The following SLC2A9 variants were observed in gnomAD, a reference collection of about 807,000 sequenced individuals.
SLC2A9 encodes the protein solute carrier family 2 member 9, also known as solute carrier family 2, facilitated glucose transporter member 9.
A neutral mutation model predicts 50.6 loss-of-function variants in SLC2A9; 39 were observed. The observed-to-expected ratio is 0.77, with a 90% CI of 0.60 to 1.01. The LOEUF (loss-of-function observed/expected upper bound fraction) is 1.01. Ranked by LOEUF, SLC2A9 falls within the 50% of genes least tolerant of loss-of-function variation. The pLI is 0.00. For missense variants in SLC2A9, 686 were observed against 677.6 expected (o/e 1.01, Z -0.14); for synonymous variants, 324 against 276.9 (o/e 1.17, Z -1.69).
intron 1 of SLC2A9, chr4:10,040,017 G>C (rs929867793): frequency 2.0e-5 from 3 of 152,602 alleles, no homozygotes; most frequent in Admixed American, 6.5e-5. Flanking sequence ...AGCATAGAGA[G>C]CTCCACTTTG....
intron 11 of SLC2A9, among the ~76,000 whole-genome samples, chr4:9,830,468 G>A (rs1173317200): frequency 6.6e-6 from 1 of 152,130 alleles, no homozygotes; most frequent in African/African-American, 2.4e-5. Context: ...CACGGCATGT[G>A]TTTACTTGTG....
At chr4:9,880,628 G>GC in intron 10 of SLC2A9, 1 of 931,654 alleles carries the variant, frequency 1.1e-6, no homozygotes. Context: ...GTCCAATCTG[G>GC]CTTGTTTGTG....
chr4:9,792,352 T>G (rs1214078804), intron 3 of SLC2A9, among the ~76,000 whole-genome samples: 2 of 151,008 alleles, frequency 1.3e-5, no homozygotes, highest in Non-Finnish European at 3.0e-5. Context: ...AGTTTTTTTT[T>G]TTTTTTTTAA....
At chr4:9,898,999 CCTCT>C (rs58512583) in intron 8 of SLC2A9, among the ~76,000 whole-genome samples, 1 of 151,604 alleles carries the variant, frequency 6.6e-6, no homozygotes, top group South Asian at 2.1e-4. Flanking sequence ...CCTCCCTCCC[CCTCT>C]CTCTCTCTCT....
At chr4:9,835,175 G>A (rs1422699693) in intron 10 of SLC2A9, among the ~76,000 whole-genome samples, 167 bp from the exon 11 acceptor site, 1 of 152,058 alleles carries the variant, frequency 6.6e-6, no homozygotes. Context: ...AGTGGGACAA[G>A]TCTTTATTTT....
At chr4:9,856,830 G>A (rs886259622) in intron 10 of SLC2A9, among the ~76,000 whole-genome samples, 2 of 152,172 alleles carry the variant, frequency 1.3e-5, no homozygotes, top group Non-Finnish European at 1.5e-5. Context: ...GGATGGAGCT[G>A]GAGGCCATTA....
chr4:9,879,658 C>A (rs1734879810), intron 10 of SLC2A9: 1 of 985,258 alleles, frequency 1.0e-6, no homozygotes, highest in African/African-American at 1.7e-5. Context: ...ATGGCAGTGG[C>A]CTTACCGCTC....
intron 7 of SLC2A9, among the ~76,000 whole-genome samples, chr4:9,919,839 C>T (rs1743571375): frequency 6.6e-6 from 1 of 152,192 alleles, no homozygotes; most frequent in African/African-American, 2.4e-5. Context: ...GGGAATTCCA[C>T]CTTTGAGTGC....
chr4:9,858,962 T>C (rs1359198184), intron 10 of SLC2A9, among the ~76,000 whole-genome samples: 1 of 152,226 alleles, frequency 6.6e-6, no homozygotes, highest in African/African-American at 2.4e-5. Flanking sequence ...GGATGCTTCC[T>C]GCCCTTGAAC....
At chr4:9,885,089 G>T (rs1352744915) in intron 10 of SLC2A9, among the ~76,000 whole-genome samples, 1 of 152,080 alleles carries the variant, frequency 6.6e-6, no homozygotes, top group East Asian at 1.9e-4. Flanking sequence ...TACCTTAATT[G>T]CTGTCGATAA....
chr4:10,010,533 G>A (rs1411816206), intron 2 of SLC2A9, among the ~76,000 whole-genome samples: 1 of 152,200 alleles, frequency 6.6e-6, no homozygotes, highest in Non-Finnish European at 1.5e-5. Flanking sequence ...CTTAACCTGT[G>A]AAGTTTGGCC....
intron 6 of SLC2A9, among the ~76,000 whole-genome samples, chr4:9,926,149 G>A (rs1455402130): frequency 6.6e-6 from 1 of 152,096 alleles, no homozygotes. Context: ...CTGAGCAAGA[G>A]CCACTTAAGG....
chr4:9,856,081 A>T (rs1385060509), intron 10 of SLC2A9, among the ~76,000 whole-genome samples: 3 of 152,238 alleles, frequency 2.0e-5, no homozygotes, highest in Admixed American at 6.5e-5. Context: ...AAGACGCCAA[A>T]AGCCATTGCA....
intron 10 of SLC2A9, among the ~76,000 whole-genome samples, chr4:9,875,956 A>G (rs1454178595): frequency 6.6e-6 from 1 of 152,236 alleles, no homozygotes; most frequent in East Asian, 1.9e-4. Context: ...GCAAGAGCAC[A>G]TCACATTGTT....
chr4:9,820,049 TAA>T (rs1384416666), intron 3 of SLC2A9, among the ~76,000 whole-genome samples: 2 of 152,284 alleles, frequency 1.3e-5, no homozygotes, highest in Non-Finnish European at 2.9e-5. Context: ...TGTTATATCC[TAA>T]AGTCTTTGCT....
chr4:9,853,724 A>C (rs543082082), intron 10 of SLC2A9, among the ~76,000 whole-genome samples: 44 of 152,214 alleles, frequency 2.9e-4, no homozygotes, highest in Non-Finnish European at 6.0e-4. Context: ...CATACTCCAA[A>C]ATTGACCACA....
intron 10 of SLC2A9, among the ~76,000 whole-genome samples, chr4:9,846,210 T>A (rs1331530143): frequency 3.3e-5 from 5 of 152,166 alleles, no homozygotes; most frequent in Non-Finnish European, 4.4e-5. Context: ...CATTTGAGAA[T>A]TTGAAAATGC....
chr4:9,836,709 G>A (rs1331775466), intron 10 of SLC2A9, among the ~76,000 whole-genome samples: 2 of 152,224 alleles, frequency 1.3e-5, no homozygotes, highest in Non-Finnish European at 2.9e-5. Context: ...AGCAGTTGAG[G>A]TGATCAATTT....
chr4:9,782,091 T>A lies in SLC2A9; in HGVS notation n.386-2026A>T, dbSNP rs761432622. 11 of 1,525,202 alleles carry A rather than the reference T, an allele frequency of 7.2e-6. No homozygotes were observed. The Admixed American group carries it at 1.5e-4, about 20-fold the overall frequency. 94.5% of individuals were successfully genotyped at this position (1,525,202 alleles called of 1,614,324 possible). A position where few individuals can be genotyped will look rare whatever the true frequency, so the allele number is the denominator to read the frequency against. On this transcript the variant is annotated intron_variant and non_coding_transcript_variant, in intron 3 of 3. Transcript: ENST00000503803. ...GGGCAGTTCGCTCTATACCAGCAGCTGGCGCAGGGGAACGCCGTGGGGGGC... is the reference window on the plus strand; with the variant it reads ...GGGCAGTTCGCTCTATACCAGCAGCAGGCGCAGGGGAACGCCGTGGGGGGC...
Sources: allele counts gnomAD v4.1 joint callset (sites outside exome capture counted in the v4.1 genomes callset), GRCh38; gene constraint gnomAD v4.1.1; transcripts MANE v1.5; gene names NCBI Gene and HGNC (gene_info 2026-07-23, HGNC 2026-07-21).